The following GRB2 variants were observed in gnomAD, a reference collection of about 807,000 sequenced individuals.
GRB2 encodes the protein growth factor receptor-bound protein 2.
A neutral mutation model predicts 27.4 loss-of-function variants in GRB2; 2 were observed. The observed-to-expected ratio is 0.07, with a 90% CI of 0.03 to 0.23. The LOEUF is 0.23. GRB2 is among the 10% of genes least tolerant of loss of function. The pLI is 1.00. For synonymous variants in GRB2, 94 were observed against 99.6 expected, an observed-to-expected ratio of 0.94 and a Z score of 0.33; for missense variants, 102 against 282.4, an observed-to-expected ratio of 0.36 and a Z score of 4.58.
intron 3 of GRB2, 94 bp downstream of exon 3, chr17:75,332,606 T>A (rs578076209): frequency 2.8e-6 from 2 of 719,960 alleles, no homozygotes; most frequent in Admixed American, 2.6e-5. Context: ...GAATAAAAAG[T>A]ATGACATCCA....
chr17:75,358,711 A>AC (rs2078752719), intron 2 of GRB2, among the ~76,000 whole-genome samples: 1 of 144,916 alleles, frequency 6.9e-6, no homozygotes, highest in South Asian at 2.1e-4. Flanking sequence ...AAAAAAAAAA[A>AC]AAAAAAAAAA....
At chr17:75,400,965 ATT>A (rs35284165) in intron 1 of GRB2, among the ~76,000 whole-genome samples, 4 of 142,322 alleles carry the variant, frequency 2.8e-5, no homozygotes, top group Non-Finnish European at 1.5e-5. Context: ...GGATATATCA[ATT>A]TTTTTTTTTT....
At chr17:75,405,288 G>A (rs772631007) in intron 1 of GRB2, 2 of 152,654 alleles carry the variant, frequency 1.3e-5, no homozygotes, top group African/African-American at 4.8e-5. Context: ...AAGAGCCGGA[G>A]GAGGACGGTC....
chr17:75,339,114 TAAG>T (rs2078602272), intron 2 of GRB2: 3 of 1,379,656 alleles, frequency 2.2e-6, no homozygotes, highest in African/African-American at 1.4e-5. Context: ...TGGGAGGAGA[TAAG>T]AAGAGAAAGG....
chr17:75,335,077 T>G (rs899741934), intron 2 of GRB2, among the ~76,000 whole-genome samples: 1 of 152,126 alleles, frequency 6.6e-6, no homozygotes, highest in Admixed American at 6.5e-5. Context: ...GTGTTGAGAT[T>G]ACAGGTGTGA....
chr17:75,319,595 G>GCTA lies in GRB2; in HGVS notation c.*772_*773insTAG, dbSNP rs1555607866. On this transcript the variant is annotated 3_prime_UTR_variant, in exon 6 of 6. Coordinates refer to ENST00000316804, the MANE Select transcript of GRB2 (RefSeq NM_002086.5). ...CAAGTAGCTGGGACTACAGGTGCGT[G>GCTA]CCACACCCGGCTAATTTCTTATTTT... The GCTA allele has an allele frequency of 6.6e-6, 1 of 151,982 alleles. No homozygotes were observed. Among genetic ancestry groups the GCTA allele is most frequent in the East Asian group, 1.9e-4 (1 of 5,166 alleles). The allele number at this position is 151,982 out of a possible 1,614,324, so 9.4% of individuals were successfully genotyped here. A position where few individuals can be genotyped will look rare whatever the true frequency, so the allele number is the denominator to read the frequency against.
chr17:75,382,870 A>G (rs1322148290), intron 2 of GRB2, among the ~76,000 whole-genome samples: 1 of 151,868 alleles, frequency 6.6e-6, no homozygotes, highest in African/African-American at 2.4e-5. Context: ...CACCACGCCC[A>G]GCTAATTTTT....
chr17:75,354,167 C>T (rs991914529), intron 2 of GRB2, among the ~76,000 whole-genome samples: 3 of 150,426 alleles, frequency 2.0e-5, no homozygotes, highest in African/African-American at 7.3e-5. Context: ...TCAACAGAAT[C>T]CTGGGCTGAA....
chr17:75,403,171 A>AAAT (rs2079075142), intron 1 of GRB2, among the ~76,000 whole-genome samples: 1 of 146,062 alleles, frequency 6.8e-6, no homozygotes, highest in Admixed American at 6.9e-5. Flanking sequence ...TATATATATA[A>AAAT]ATATATATAT....
intron 2 of GRB2, among the ~76,000 whole-genome samples, chr17:75,388,785 T>C (rs2078981000): frequency 6.6e-6 from 1 of 152,126 alleles, no homozygotes; most frequent in Admixed American, 6.6e-5. Flanking sequence ...ATGGGACTTG[T>C]GCACTGAAAC....
At chr17:75,362,302 T>C (rs1023581800) in intron 2 of GRB2, among the ~76,000 whole-genome samples, 12 of 152,230 alleles carry the variant, frequency 7.9e-5, no homozygotes, top group African/African-American at 2.9e-4. Context: ...GAAATTCTGA[T>C]ACCACAGATG....
intron 2 of GRB2, among the ~76,000 whole-genome samples, chr17:75,356,941 T>C (rs1385285074): frequency 6.6e-6 from 1 of 150,384 alleles, no homozygotes; most frequent in African/African-American, 2.5e-5. Flanking sequence ...CTGGAACTCT[T>C]TTCTTCTCCA....
intron 2 of GRB2, among the ~76,000 whole-genome samples, chr17:75,361,362 A>C (rs753122110): frequency 6.6e-6 from 1 of 152,224 alleles, no homozygotes; most frequent in African/African-American, 2.4e-5. Flanking sequence ...TCTTTCCTTC[A>C]GGCAGTATAA....
At chr17:75,361,614 C>T (rs1011159992) in intron 2 of GRB2, among the ~76,000 whole-genome samples, 1 of 152,130 alleles carries the variant, frequency 6.6e-6, no homozygotes, top group African/African-American at 2.4e-5. Flanking sequence ...GGGAAATACT[C>T]ATACACAGAG....
At chr17:75,378,421 A>C (rs2078908341) in intron 2 of GRB2, among the ~76,000 whole-genome samples, 1 of 152,082 alleles carries the variant, frequency 6.6e-6, no homozygotes, top group Admixed American at 6.6e-5. Context: ...CCCAAAAGCA[A>C]GTTACACAAG....
intron 4 of GRB2, among the ~76,000 whole-genome samples, chr17:75,324,507 G>GTTTTGTTTTTT (rs1555608339): frequency 2.7e-5 from 1 of 36,704 alleles, no homozygotes; most frequent in African/African-American, 8.2e-5. Flanking sequence ...ACCGCACCCA[G>GTTTTGTTTTTT]TTTTTTTTTT....
chr17:75,393,620 G>A lies in GRB2; in HGVS notation c.9C>T (p.Ala3=). ...TAGCTTTGAAGTCATATTTGGCGAT[G>A]GCTTCCATTCTGAGCGCTGCTCAGT... The part of the protein sequence containing the change: ME[A]IAKYDFKATA... The change falls in exon 2 of 6, where the codon GCC becomes GCT. Residue 3 remains alanine (A), a synonymous_variant. Coordinates refer to ENST00000316804, the MANE Select transcript of GRB2 (RefSeq NM_002086.5). The A allele has an allele frequency of 2.5e-6, 4 of 1,613,996 alleles. No individual in the cohort carries two copies. Among genetic ancestry groups the A allele is most frequent in the Non-Finnish European group, 3.4e-6 (4 of 1,179,870 alleles).
chr17:75,339,772 G>A (rs1451470941), intron 2 of GRB2, among the ~76,000 whole-genome samples: 6 of 151,926 alleles, frequency 3.9e-5, no homozygotes, highest in Admixed American at 1.3e-4. Context: ...GATTACAGGC[G>A]TCTGCCACCA....
intron 4 of GRB2, 33 bp downstream of exon 4, chr17:75,325,865 G>A (rs568559346): frequency 6.2e-7 from 1 of 1,611,232 alleles, no homozygotes; most frequent in African/African-American, 1.3e-5. Context: ...GTCAGAGACA[G>A]GATTCCAGGC....
Sources: gnomAD v4.1 joint callset for allele counts (sites outside exome capture counted in the v4.1 genomes callset) on GRCh38, gnomAD v4.1.1 for gene constraint, MANE v1.5 for transcripts, NCBI Gene and HGNC (gene_info 2026-07-23, HGNC 2026-07-21) for gene names.